Variants in ZDHHC23 observed in about 807,000 individuals in gnomAD.
ZDHHC23 encodes zDHHC palmitoyltransferase 23.
In ZDHHC23, 41 loss-of-function variants were observed where a neutral mutation model predicts 40.2. That is an observed-to-expected ratio of 1.02 (90% CI 0.79 to 1.32). The LOEUF is 1.32. Among genes scored for constraint, ZDHHC23 ranks in the 40% most tolerant of loss-of-function variants. ZDHHC23 has a pLI of 0.00. For missense variants in ZDHHC23, 471 were observed against 541.5 expected, an observed-to-expected ratio of 0.87 and a Z score of 1.29; for synonymous variants, 204 against 210.2, an observed-to-expected ratio of 0.97 and a Z score of 0.26.
At chr3:113,970,619 C>A in the ZDHHC23 span, among the ~76,000 whole-genome samples, 367 of 152,192 alleles carry the variant, frequency 2.4e-3, 3 homozygotes, top group African/African-American at 7.9e-3. Context: ...GCACAACATG[C>A]AGGTTTGTTA....
At chr3:113,974,942 T>G in the ZDHHC23 span, among the ~76,000 whole-genome samples, 1 of 152,194 alleles carries the variant, frequency 6.6e-6, no homozygotes. Flanking sequence ...TAGGTATTTT[T>G]TTATGCTTGG....
downstream of ZDHHC23, chr3:113,965,471 A>G: frequency 1.8e-6 from 1 of 565,760 alleles, no homozygotes; most frequent in East Asian, 3.0e-5. Flanking sequence ...AATGCTGTAT[A>G]AAAGGTGTGG....
intron 3 of ZDHHC23, among the ~76,000 whole-genome samples, chr3:113,955,586 CTA>C (rs1294706291): frequency 6.6e-6 from 1 of 152,164 alleles, no homozygotes; most frequent in African/African-American, 2.4e-5. Flanking sequence ...TCCCCCTACG[CTA>C]TGTTTCTAAC....
the ZDHHC23 span, chr3:113,979,053 A>T: frequency 1.9e-6 from 3 of 1,564,682 alleles, no homozygotes; most frequent in South Asian, 3.4e-5. Context: ...CTTAAATTTT[A>T]AATCATTTAA....
At chr3:113,956,582 T>C in intron 4 of ZDHHC23, 76 bp downstream of exon 4, 1 of 1,444,364 alleles carries the variant, frequency 6.9e-7, no homozygotes, top group East Asian at 2.3e-5. Context: ...CTATTACTAC[T>C]TGGTTAGGAG....
At chr3:113,979,134 T>C in the ZDHHC23 span, 1 of 850,466 alleles carries the variant, frequency 1.2e-6, no homozygotes, top group South Asian at 1.7e-5. Flanking sequence ...AATCTGAAGG[T>C]ACATGCAGCC....
At chr3:113,967,201 C>T (rs891255006), downstream of ZDHHC23, among the ~76,000 whole-genome samples, 2 of 152,172 alleles carry the variant, frequency 1.3e-5, no homozygotes, top group Non-Finnish European at 2.9e-5. Context: ...TTCCTGTGCT[C>T]GGCTGTGGGC....
rs1310546038 is a variant in ZDHHC23, at chr3:113,949,060, C to T, written c.161+97C>T. ...GCCACCCAGAATGCTAGAATTTGCTCTTGATTCTATTTCCAAGCATCTAAA... is the reference window on the plus strand; with the variant it reads ...GCCACCCAGAATGCTAGAATTTGCTTTTGATTCTATTTCCAAGCATCTAAA... On this transcript the variant is annotated intron_variant, in intron 2 of 4. Coordinates refer to ENST00000638807, the MANE Select transcript of ZDHHC23 (RefSeq NM_001320466.2). 6 of 1,483,844 alleles carry T rather than the reference C, an allele frequency of 4.0e-6. No homozygotes were observed. The African/African-American group carries it at 7.0e-5, about 17-fold the overall frequency. 91.9% of individuals were successfully genotyped at this position (1,483,844 alleles called of 1,614,324 possible).
downstream of ZDHHC23, among the ~76,000 whole-genome samples, chr3:113,963,948 T>TAA (rs74731743): frequency 6.6e-6 from 1 of 151,060 alleles, no homozygotes; most frequent in African/African-American, 2.4e-5. Flanking sequence ...TTTTTTTTTT[T>TAA]AAATGACAAC....
the ZDHHC23 span, chr3:113,978,235 T>C: frequency 1.3e-5 from 21 of 1,613,892 alleles, no homozygotes; most frequent in Non-Finnish European, 1.8e-5. Flanking sequence ...GAATCGATCT[T>C]CACCTCCCTG....
intron 2 of ZDHHC23, among the ~76,000 whole-genome samples, chr3:113,950,219 A>G (rs921801129): frequency 3.9e-5 from 6 of 152,216 alleles, no homozygotes; most frequent in Non-Finnish European, 8.8e-5. Context: ...GTCTAAAATC[A>G]AAGTTACCTT....
downstream of ZDHHC23, among the ~76,000 whole-genome samples, chr3:113,969,540 G>C (rs532313966): frequency 2.7e-4 from 41 of 152,240 alleles, no homozygotes; most frequent in Non-Finnish European, 5.4e-4. Flanking sequence ...GTGAGAGAAA[G>C]GGGTCTCATT....
At chr3:113,968,619 G>A (rs903565057), downstream of ZDHHC23, among the ~76,000 whole-genome samples, 1 of 145,324 alleles carries the variant, frequency 6.9e-6, no homozygotes, top group Non-Finnish European at 1.5e-5. Flanking sequence ...CTGGCTAATA[G>A]TTTTTTGTTT....
chr3:113,971,098 G>C, the ZDHHC23 span, among the ~76,000 whole-genome samples: 3 of 152,164 alleles, frequency 2.0e-5, no homozygotes, highest in Admixed American at 6.5e-5. Context: ...GGATGGGTGG[G>C]TCAAATGGTA....
rs745852009 is a variant in ZDHHC23, at chr3:113,948,903, A to G, written c.101A>G (p.Glu34Gly). ...CCCEYIDRNG[E>G]KNHVATCLCD... ...TGCGAGTACATAGATCGGAATGGGG[A>G]AAAGAACCACGTGGCTACTTGTTTG... Residue 34 changes from glutamate (E) to glycine (G), a missense_variant, in exon 2 of 5, where the codon GAA becomes GGA. Glu to Gly is a moderately conservative substitution (Grantham distance 98). Coordinates refer to ENST00000638807, the MANE Select transcript of ZDHHC23 (RefSeq NM_001320466.2). 6.2e-6 allele frequency: 10 copies of G among 1,614,074 alleles called. No individual in the cohort carries two copies. The highest frequency in any genetic ancestry group is 8.5e-6 in the Non-Finnish European group (10 of 1,180,032).
intron 2 of ZDHHC23, among the ~76,000 whole-genome samples, chr3:113,952,092 G>T (rs991704398): frequency 6.6e-6 from 1 of 152,044 alleles, no homozygotes; most frequent in Admixed American, 6.5e-5. Context: ...AGCTGAGATC[G>T]CGCCATTGCA....
In ZDHHC23 at chr3:113,954,005, TC is replaced by T; in HGVS notation, c.469del (p.Leu157CysfsTer24). ...TCTCTGGGCTACATGTACTATGTGT[TC>T]CTGCAGGAAGTGGTCCCCAAAGGGC... ...LFSLGYMYYV[F>X]LQEVVPKGRV... On this transcript the variant is annotated frameshift_variant, in exon 3 of 5. Coordinates refer to ENST00000638807, the MANE Select transcript of ZDHHC23 (RefSeq NM_001320466.2). LOFTEE classifies it high-confidence loss of function. The T allele has an allele frequency of 6.2e-7, 1 of 1,614,182 alleles. No individual in the cohort carries two copies.
chr3:113,976,546 C>T, the ZDHHC23 span, among the ~76,000 whole-genome samples: 1 of 151,840 alleles, frequency 6.6e-6, no homozygotes, highest in Non-Finnish European at 1.5e-5. Flanking sequence ...CCAAATGAAT[C>T]TCTCAGCCTG....
chr3:113,978,185 C>T, the ZDHHC23 span: 1 of 1,613,934 alleles, frequency 6.2e-7, no homozygotes, highest in Non-Finnish European at 8.5e-7. Flanking sequence ...CAAAACCTCA[C>T]CTGTCACTGT....
Sources: gnomAD v4.1 joint callset for allele counts (sites outside exome capture counted in the v4.1 genomes callset) on GRCh38, gnomAD v4.1.1 for gene constraint, MANE v1.5 for transcripts, NCBI Gene and HGNC (gene_info 2026-07-23, HGNC 2026-07-21) for gene names.